TSPAN9: variants seen among roughly 807,000 people sequenced by gnomAD.
TSPAN9 encodes tetraspanin 9, also known as tetraspanin-9.
TSPAN9 carries 16 observed loss-of-function variants against 31.0 expected under a neutral mutation model. The ratio of observed to expected loss-of-function variants is 0.52; its 90% CI spans 0.35 to 0.78. The LOEUF (loss-of-function observed/expected upper bound fraction) is 0.78, where lower values mean the gene tolerates loss of function less well. Ranked by LOEUF, TSPAN9 falls within the 30% of genes least tolerant of loss-of-function variation. The pLI, the probability that TSPAN9 is intolerant of heterozygous loss-of-function variation, is 0.01. For missense variants in TSPAN9, 272 were observed against 312.5 expected, an observed-to-expected ratio of 0.87 and a Z score of 0.98; for synonymous variants, 145 against 121.6, an observed-to-expected ratio of 1.19 and a Z score of -1.27.
intron 3 of TSPAN9, among the ~76,000 whole-genome samples, chr12:3,258,434 G>A (rs646346): frequency 0.55 from 82,969 of 152,036 alleles, 23,271 homozygotes; most frequent in African/African-American, 0.68. Flanking sequence ...GCAGGCCCTA[G>A]ATTACTGTGG....
chr12:3,091,243 A>T (rs1292695692), intron 2 of TSPAN9, among the ~76,000 whole-genome samples: 1 of 152,256 alleles, frequency 6.6e-6, no homozygotes, highest in Non-Finnish European at 1.5e-5. Flanking sequence ...GCATCCGCTC[A>T]TAACCTCGGA....
chr12:3,245,290 G>A (rs1227170170), intron 3 of TSPAN9, among the ~76,000 whole-genome samples: 1 of 152,238 alleles, frequency 6.6e-6, no homozygotes, highest in African/African-American at 2.4e-5. Context: ...TGGCTCTCGG[G>A]CCTTGGCCAG....
intron 3 of TSPAN9, among the ~76,000 whole-genome samples, chr12:3,226,450 C>A (rs986981280): frequency 6.6e-6 from 1 of 151,468 alleles, no homozygotes; most frequent in African/African-American, 2.4e-5. Context: ...TCTTAAGGGG[C>A]CATGTAATCT....
At chr12:3,185,573 T>A (rs917499766) in intron 2 of TSPAN9, among the ~76,000 whole-genome samples, 1 of 152,120 alleles carries the variant, frequency 6.6e-6, no homozygotes, top group Admixed American at 6.5e-5. Context: ...GCGCCTCAGG[T>A]CAGCACTCCT....
At chr12:3,252,441 G>A (rs531515272) in intron 3 of TSPAN9, among the ~76,000 whole-genome samples, 3 of 152,202 alleles carry the variant, frequency 2.0e-5, no homozygotes, top group African/African-American at 7.2e-5. Flanking sequence ...TGCTCTCTCC[G>A]GGGCCAGGGA....
intron 2 of TSPAN9, among the ~76,000 whole-genome samples, chr12:3,160,969 C>T (rs765862052): frequency 2.0e-5 from 3 of 152,154 alleles, no homozygotes; most frequent in South Asian, 2.1e-4. Context: ...GCCTATAATC[C>T]CAGCACTTTG....
intron 2 of TSPAN9, among the ~76,000 whole-genome samples, chr12:3,140,057 T>C (rs2098334055): frequency 6.6e-6 from 1 of 152,164 alleles, no homozygotes; most frequent in Non-Finnish European, 1.5e-5. Flanking sequence ...GAAGCCTGCT[T>C]GCTTAGGCCT....
In TSPAN9 at chr12:3,168,141, C is replaced by T. The variant is rs184713790; in HGVS notation, c.-17-33036C>T. Among the ~76,000 whole-genome samples, 185 of 152,328 alleles carry T rather than the reference C, an allele frequency of 1.2e-3. 1 individual carries two copies. Among genetic ancestry groups the T allele is most frequent in the Non-Finnish European group, 2.0e-3 (139 of 68,032 alleles). ...GGGGGAGACCACACCACCGTTCCAC[C>T]GTTTAGCTCAGTGCCCTGCAAGGCA... On this transcript the variant is annotated intron_variant, in intron 2 of 8. Transcript: ENST00000011898. The surrounding 1 kb of genome is among the most constrained non-coding windows in gnomAD (Gnocchi z 4.0).
At chr12:3,222,563 G>A (rs899826892) in intron 3 of TSPAN9, among the ~76,000 whole-genome samples, 16 of 152,118 alleles carry the variant, frequency 1.1e-4, no homozygotes, top group Non-Finnish European at 4.4e-5. Context: ...CCTTAAACCC[G>A]GCTGCCTCTC....
intron 2 of TSPAN9, among the ~76,000 whole-genome samples, chr12:3,155,081 A>G (rs1372351709): frequency 1.3e-5 from 2 of 152,146 alleles, no homozygotes; most frequent in Non-Finnish European, 2.9e-5. Flanking sequence ...AAAATCTCCT[A>G]ATTTTTAACT....
Position 3,201,275 on chromosome 12 carries a change from C to G in TSPAN9, c.63+19C>G, listed in dbSNP as rs758706502. 5.6e-6 allele frequency: 9 copies of G among 1,611,264 alleles called. No homozygotes were observed. The East Asian group carries it at 2.0e-4, about 36-fold the overall frequency. On this transcript the variant is annotated intron_variant, in intron 3 of 8. Transcript: ENST00000011898. ...ATTCTGGGTAAGTCCTTCCGTTTCT[C>G]TCTCCCTTCGCCCTCTTCTCCTCCT... is the stretch of plus-strand genomic sequence containing the variant.
At chr12:3,268,945 T>A (rs1591716251) in intron 3 of TSPAN9, among the ~76,000 whole-genome samples, 1 of 107,738 alleles carries the variant, frequency 9.3e-6, no homozygotes, top group Non-Finnish European at 1.8e-5. Context: ...GCCCTCTCTG[T>A]GTTCCTGCAG....
chr12:3,267,989 G>C (rs890704421), intron 3 of TSPAN9, among the ~76,000 whole-genome samples: 2 of 152,202 alleles, frequency 1.3e-5, no homozygotes. Context: ...TTGGGGAAAA[G>C]GCATGTCGAA....
intron 2 of TSPAN9, among the ~76,000 whole-genome samples, chr12:3,139,739 G>A (rs552903147): frequency 9.9e-5 from 15 of 152,200 alleles, no homozygotes; most frequent in African/African-American, 3.6e-4. Context: ...GTAGAGATAG[G>A]GTTTCACCAT....
At chr12:3,165,900 G>T (rs1390167813) in intron 2 of TSPAN9, among the ~76,000 whole-genome samples, 2 of 152,240 alleles carry the variant, frequency 1.3e-5, no homozygotes, top group Non-Finnish European at 2.9e-5. Context: ...GCAGCCTCAT[G>T]CAGGGGACGG....
chr12:3,245,063 G>A (rs1862094005), intron 3 of TSPAN9, among the ~76,000 whole-genome samples: 1 of 152,220 alleles, frequency 6.6e-6, no homozygotes, highest in African/African-American at 2.4e-5. Flanking sequence ...CTGGGAAGAA[G>A]AGAGGAAGAC....
rs1050267201 is a variant in TSPAN9 at position 3,168,053 on chromosome 12, G to A, written c.-17-33124G>A. Reference sequence around the variant, plus strand: ...ATAAAAGCATGTCCTGGGGTCCAGCGGACAAGCAGCAGCAGGAGATACCCT... The same window carrying A: ...ATAAAAGCATGTCCTGGGGTCCAGCAGACAAGCAGCAGCAGGAGATACCCT... On this transcript the variant is annotated intron_variant, in intron 2 of 8. Coordinates refer to ENST00000011898, the MANE Select transcript of TSPAN9 (RefSeq NM_006675.5). This position sits in a 1 kb window ranked among gnomAD's most constrained non-coding sequence, Gnocchi z 4.0. 2.0e-5 allele frequency among the ~76,000 whole-genome samples: 3 copies of A among 152,082 alleles called. No homozygotes were observed. The highest frequency in any genetic ancestry group is 2.9e-5 in the Non-Finnish European group (2 of 68,024).
intron 2 of TSPAN9, among the ~76,000 whole-genome samples, chr12:3,163,217 C>T (rs1291191343): frequency 6.6e-6 from 1 of 152,166 alleles, no homozygotes; most frequent in Non-Finnish European, 1.5e-5. Flanking sequence ...CACCTCATTC[C>T]CCGTTGCTCT....
At chr12:3,217,740 A>G (rs1393263030) in intron 3 of TSPAN9, among the ~76,000 whole-genome samples, 1 of 151,588 alleles carries the variant, frequency 6.6e-6, no homozygotes, top group Non-Finnish European at 1.5e-5. Flanking sequence ...GCATCTGATC[A>G]TCTGTCCCTT....
Sources: allele counts gnomAD v4.1 joint callset (sites outside exome capture counted in the v4.1 genomes callset), GRCh38; gene constraint gnomAD v4.1.1; non-coding constraint Gnocchi (gnomAD v3.1); transcripts MANE v1.5; gene names NCBI Gene and HGNC (gene_info 2026-07-23, HGNC 2026-07-21).